The following TRAPPC9 variants were observed in gnomAD, a reference collection of about 807,000 sequenced individuals.
TRAPPC9 encodes the protein IKK2 binding protein.
Under a neutral mutation model 124.0 loss-of-function variants are expected in TRAPPC9, and 83 were observed. The ratio of observed to expected loss-of-function variants is 0.67; its 90% CI spans 0.56 to 0.80. TRAPPC9 has a LOEUF of 0.80. Among genes scored for constraint, TRAPPC9 ranks in the 30% least tolerant of loss-of-function variants. TRAPPC9 has a pLI of 0.00. For missense variants in TRAPPC9, 1,302 were observed against 1,508.3 expected (o/e 0.86, Z 2.27); for synonymous variants, 638 against 617.5 (o/e 1.03, Z -0.49).
At chr8:139,764,662 C>A (rs1253363591) in intron 21 of TRAPPC9, among the ~76,000 whole-genome samples, 3 of 152,160 alleles carry the variant, frequency 2.0e-5, no homozygotes, top group Admixed American at 1.3e-4. Flanking sequence ...CCAGGCTCCA[C>A]ACTTAATGAC....
At chr8:139,763,389 T>C (rs955897569) in intron 21 of TRAPPC9, among the ~76,000 whole-genome samples, 1 of 152,176 alleles carries the variant, frequency 6.6e-6, no homozygotes, top group Non-Finnish European at 1.5e-5. Context: ...TATTGAGTCA[T>C]GGGGAACTTT....
intron 17 of TRAPPC9, among the ~76,000 whole-genome samples, chr8:140,086,219 C>G (rs930953792): frequency 6.6e-6 from 1 of 151,884 alleles, no homozygotes; most frequent in Non-Finnish European, 1.5e-5. Flanking sequence ...AAAGAAAGTA[C>G]AAGAGGATCC....
chr8:140,301,280 C>T (rs1184719464), intron 10 of TRAPPC9, among the ~76,000 whole-genome samples: 2 of 152,212 alleles, frequency 1.3e-5, no homozygotes, highest in Admixed American at 6.5e-5. Context: ...TACTCATGCT[C>T]GAATTCATCC....
chr8:140,021,735 G>C (rs1269036167), intron 18 of TRAPPC9, among the ~76,000 whole-genome samples: 1 of 152,168 alleles, frequency 6.6e-6, no homozygotes, highest in Non-Finnish European at 1.5e-5. Context: ...ATACACTCTG[G>C]TAAGTGCATT....
chr8:140,425,731 C>T lies in TRAPPC9; in HGVS notation c.886+884G>A, dbSNP rs115992363. Among the ~76,000 whole-genome samples, 125 of 152,250 alleles carry T rather than the reference C, an allele frequency of 8.2e-4. 1 individual carries two copies. Among genetic ancestry groups the T allele is most frequent in the African/African-American group, 2.8e-3 (115 of 41,550 alleles). ...CCATTTCATTTGTCATCAGTGTTGG[C>T]GGGGCTTTCAGCTCTTCAGTGGCAT... On this transcript the variant is annotated intron_variant, in intron 5 of 22. Coordinates refer to ENST00000438773, the MANE Select transcript of TRAPPC9 (RefSeq NM_001160372.4).
At chr8:139,949,971 T>C (rs945402762) in intron 19 of TRAPPC9, among the ~76,000 whole-genome samples, 1 of 152,248 alleles carries the variant, frequency 6.6e-6, no homozygotes, top group African/African-American at 2.4e-5. Flanking sequence ...ACATGTCTGA[T>C]ATAAATAACT....
chr8:140,030,637 A>C (rs1476952701), intron 17 of TRAPPC9, among the ~76,000 whole-genome samples: 1 of 152,210 alleles, frequency 6.6e-6, no homozygotes, highest in Non-Finnish European at 1.5e-5. Context: ...CCAAATAAAC[A>C]AATTGTAGTA....
intron 17 of TRAPPC9, among the ~76,000 whole-genome samples, chr8:140,135,688 T>C (rs531620899): frequency 1.3e-5 from 2 of 152,332 alleles, no homozygotes; most frequent in Admixed American, 1.3e-4. Flanking sequence ...TTTGGGGTGA[T>C]GGAAAACTTC....
At chr8:139,809,547 C>T (rs1824293685) in intron 21 of TRAPPC9, among the ~76,000 whole-genome samples, 1 of 152,202 alleles carries the variant, frequency 6.6e-6, no homozygotes, top group Admixed American at 6.5e-5. Flanking sequence ...CAGTCTCTGT[C>T]CCACAGCAGG....
At chr8:140,366,993 A>G (rs1293124953) in intron 8 of TRAPPC9, among the ~76,000 whole-genome samples, 1 of 152,228 alleles carries the variant, frequency 6.6e-6, no homozygotes, top group Non-Finnish European at 1.5e-5. Context: ...ATCATATGTC[A>G]TCAGGAAATT....
At chr8:139,775,902 T>G (rs1196636841) in intron 21 of TRAPPC9, among the ~76,000 whole-genome samples, 2 of 152,196 alleles carry the variant, frequency 1.3e-5, no homozygotes, top group Admixed American at 1.3e-4. Context: ...TTTCCACAGA[T>G]GAGAGTCAAC....
At chr8:139,909,582 C>A (rs1164218377) in intron 20 of TRAPPC9, among the ~76,000 whole-genome samples, 4 of 152,220 alleles carry the variant, frequency 2.6e-5, no homozygotes, top group African/African-American at 9.6e-5. Context: ...AATGAGGGAA[C>A]CTGGGCTTCT....
intron 21 of TRAPPC9, among the ~76,000 whole-genome samples, chr8:139,803,328 A>C (rs1171062858): frequency 2.0e-5 from 3 of 152,260 alleles, no homozygotes; most frequent in Non-Finnish European, 4.4e-5. Flanking sequence ...CGAGTCCTGC[A>C]GCCTGCCCTG....
At chr8:140,270,055 A>T (rs1202214151) in intron 15 of TRAPPC9, among the ~76,000 whole-genome samples, 1 of 151,876 alleles carries the variant, frequency 6.6e-6, no homozygotes, top group African/African-American at 2.4e-5. Context: ...AGCCAAGACC[A>T]CGCCACTGCA....
chr8:139,796,048 G>GGAGGAGGAAGAGGAAGAA (rs1447863166), intron 21 of TRAPPC9, among the ~76,000 whole-genome samples: 20 of 144,876 alleles, frequency 1.4e-4, no homozygotes, highest in Non-Finnish European at 4.5e-5. Flanking sequence ...AAGAGGAGAA[G>GGAGGAGGAAGAGGAAGAA]GAGGAGGAAG....
rs954767203 is a variant in TRAPPC9 at position 139,984,447 on chromosome 8, G to T, written c.2810+4279C>A. On this transcript the variant is annotated intron_variant, in intron 19 of 22. Coordinates refer to ENST00000438773, the MANE Select transcript of TRAPPC9 (RefSeq NM_001160372.4). This position sits in a 1 kb window ranked among gnomAD's most constrained non-coding sequence, Gnocchi z 4.3. The stretch of plus-strand genomic sequence containing the variant: ...AGCTTCTTTAGGTTTAGCACAGCCT[G>T]GGGGTGGGGGGCCGGGGGGTGGTGG... Among the ~76,000 whole-genome samples, 253 of 152,210 alleles carry T rather than the reference G, an allele frequency of 1.7e-3. No individual in the cohort carries two copies. Among genetic ancestry groups the T allele is most frequent in the Non-Finnish European group, 2.8e-3 (193 of 68,002 alleles).
At position 140,263,198 on chromosome 8, in the gene TRAPPC9, C is replaced by T. The variant is rs569162030; in HGVS notation, c.2279-10269G>A. On this transcript the variant is annotated intron_variant, in intron 15 of 22. Transcript: ENST00000438773. ...ACAGACAGGTGAGCACCAGAGGGAG[C>T]AACCACTCCAAAAAAGAGCAGAGAG... Among the ~76,000 whole-genome samples the T allele has an allele frequency of 3.3e-5, 5 of 152,232 alleles. 1 individual carries two copies. The South Asian group carries it at 1.0e-3, about 32-fold the overall frequency.
chr8:140,272,353 G>A (rs2064959430), intron 15 of TRAPPC9, among the ~76,000 whole-genome samples: 1 of 98,028 alleles, frequency 1.0e-5, no homozygotes, highest in African/African-American at 4.2e-5. Context: ...TCACAGTGGA[G>A]AGAGTGGTGG....
chr8:139,999,856 T>C (rs1838276183), intron 18 of TRAPPC9, among the ~76,000 whole-genome samples: 1 of 152,170 alleles, frequency 6.6e-6, no homozygotes. Context: ...AATAAAATAT[T>C]TTGGAGTGAA....
Sources: gnomAD v4.1 joint callset for allele counts (sites outside exome capture counted in the v4.1 genomes callset) on GRCh38, gnomAD v4.1.1 for gene constraint, Gnocchi (gnomAD v3.1) non-coding constraint, MANE v1.5 for transcripts, NCBI Gene and HGNC (gene_info 2026-07-23, HGNC 2026-07-21) for gene names.